The following UBAP2 variants were observed in gnomAD, a reference collection of about 807,000 sequenced individuals.
UBAP2 encodes ubiquitin associated protein 2.
UBAP2 carries 75 observed loss-of-function variants against 139.6 expected under a neutral mutation model. That is an observed-to-expected ratio of 0.54 (90% CI 0.45 to 0.65). The LOEUF (loss-of-function observed/expected upper bound fraction) is 0.65. Among genes scored for constraint, UBAP2 ranks in the 30% least tolerant of loss-of-function variants. UBAP2 has a pLI of 0.00. For synonymous variants in UBAP2, 526 were observed against 526.2 expected (o/e 1.00, Z 0.01); for missense variants, 1,368 against 1,369.6 (o/e 1.00, Z 0.02).
chr9:33,921,738 C>T lies in UBAP2; in HGVS notation c.*766G>A, dbSNP rs1034747024. 1 of 152,614 alleles carries T rather than the reference C, an allele frequency of 6.6e-6. No homozygotes were observed. Among genetic ancestry groups the T allele is most frequent in the Non-Finnish European group, 1.5e-5 (1 of 68,050 alleles). 9.5% of individuals were successfully genotyped at this position (152,614 alleles called of 1,614,324 possible). On this transcript the variant is annotated 3_prime_UTR_variant, in exon 29 of 29. Coordinates refer to ENST00000379238, the MANE Select transcript of UBAP2 (RefSeq NM_001370062.2). ...AGGTGGGGATTGGGCAAGAGAAAACCCCTGAAACAGTTGCCCACGTGGTTC... is the reference window on the plus strand; with the variant it reads ...AGGTGGGGATTGGGCAAGAGAAAACTCCTGAAACAGTTGCCCACGTGGTTC...
At chr9:34,009,874 C>A (rs1240750556) in intron 2 of UBAP2, among the ~76,000 whole-genome samples, 1 of 143,946 alleles carries the variant, frequency 6.9e-6, no homozygotes, top group Admixed American at 7.2e-5. Context: ...ATGGTGGGAT[C>A]TCTGCTCATC....
At chr9:34,016,252 G>GAGGAGGAAGAGGAGGAAGAGA (rs1824270117) in intron 2 of UBAP2, among the ~76,000 whole-genome samples, 1 of 20,566 alleles carries the variant, frequency 4.9e-5, no homozygotes, top group Non-Finnish European at 1.7e-4. Context: ...GGAAGAGGAG[G>GAGGAGGAAGAGGAGGAAGAGA]AGGAGGAAGA....
At chr9:33,947,133 A>C (rs1048328989) in intron 13 of UBAP2, among the ~76,000 whole-genome samples, 2 of 152,204 alleles carry the variant, frequency 1.3e-5, no homozygotes, top group African/African-American at 4.8e-5. Context: ...TTCTTGCCCC[A>C]GCAAAAACTT....
rs752564823 is a variant in UBAP2, at chr9:33,922,496, T to C, written c.*8A>G. The C allele has an allele frequency of 6.2e-7, 1 of 1,613,344 alleles. No individual in the cohort carries two copies. Among genetic ancestry groups the C allele is most frequent in the Non-Finnish European group, 8.5e-7 (1 of 1,179,694 alleles). On this transcript the variant is annotated 3_prime_UTR_variant, in exon 29 of 29. Coordinates refer to ENST00000379238, the MANE Select transcript of UBAP2 (RefSeq NM_001370062.2). ...AGCCTTGCCCCAGCCCACCCCTCTC[T>C]TCTGGGTTTAGTTTGTCCAGTATGG...
chr9:34,047,775 C>A (rs948363658), intron 1 of UBAP2, among the ~76,000 whole-genome samples: 1 of 152,162 alleles, frequency 6.6e-6, no homozygotes, highest in African/African-American at 2.4e-5. Flanking sequence ...AACCCAGGAG[C>A]TGGAGGCCAG....
intron 17 of UBAP2, among the ~76,000 whole-genome samples, chr9:33,934,895 T>C (rs1824320373): frequency 6.6e-6 from 1 of 152,080 alleles, no homozygotes; most frequent in South Asian, 2.1e-4. Context: ...AGCCCAACAA[T>C]ACCAGCAAAT....
At chr9:33,986,139 A>G (rs1334735559) in intron 6 of UBAP2, among the ~76,000 whole-genome samples, 1 of 149,856 alleles carries the variant, frequency 6.7e-6, no homozygotes, top group Non-Finnish European at 1.5e-5. Flanking sequence ...TGCAACCTCC[A>G]CCTCTTGGGT....
chr9:33,969,867 C>T (rs545550342), intron 8 of UBAP2, among the ~76,000 whole-genome samples: 7 of 148,958 alleles, frequency 4.7e-5, no homozygotes, highest in Non-Finnish European at 7.4e-5. Context: ...ACCTCAAACA[C>T]CCCCCCACCC....
chr9:34,017,723 G>A (rs1181319810), intron 1 of UBAP2, among the ~76,000 whole-genome samples: 5 of 152,196 alleles, frequency 3.3e-5, no homozygotes, highest in South Asian at 2.1e-4. Flanking sequence ...TCAGGAGATC[G>A]AGACCATGCT....
chr9:34,047,201 C>A, intron 1 of UBAP2, among the ~76,000 whole-genome samples: 1 of 152,096 alleles, frequency 6.6e-6, no homozygotes, highest in East Asian at 1.9e-4. Flanking sequence ...GGGAAATCAG[C>A]GCTGTGGGAA....
At chr9:33,928,900 A>G (rs1365095873) in intron 19 of UBAP2, 2 of 152,402 alleles carry the variant, frequency 1.3e-5, no homozygotes, top group African/African-American at 4.8e-5. Flanking sequence ...GCCTGCGCAG[A>G]CTAACTCTCC....
Position 33,923,378 on chromosome 9 carries a change from C to T in UBAP2, c.2896+1G>A. 1 of 1,614,186 alleles carries T rather than the reference C, an allele frequency of 6.2e-7. No homozygotes were observed. The highest frequency in any genetic ancestry group is 2.2e-5 in the East Asian group (1 of 44,880). ...GTCTCTGTCTGGGAAGTACCCCTCA[C>T]CTGTACTGTAGCCGTGCTGGCCATA... On this transcript the variant is annotated splice_donor_variant, in intron 25 of 28. Transcript: ENST00000379238. LOFTEE classifies it high-confidence loss of function.
intron 1 of UBAP2, among the ~76,000 whole-genome samples, chr9:34,018,900 T>A (rs549268022): frequency 9.3e-4 from 140 of 151,338 alleles, no homozygotes; most frequent in African/African-American, 2.5e-3. Flanking sequence ...AAAAATAAAT[T>A]AATTAATTAA....
chr9:34,041,571 T>C, intron 1 of UBAP2, among the ~76,000 whole-genome samples: 1 of 134,266 alleles, frequency 7.4e-6, no homozygotes, highest in African/African-American at 2.9e-5. Context: ...GTGGCAGGTG[T>C]CTGTAATCCC....
At position 33,992,664 on chromosome 9, in the gene UBAP2, G is replaced by A. The variant is rs574886480; in HGVS notation, c.289-3538C>T. Among the ~76,000 whole-genome samples, 15 of 146,012 alleles carry A rather than the reference G, an allele frequency of 1.0e-4. 2 individuals are homozygous for A. Among genetic ancestry groups the A allele is most frequent in the Admixed American group, 8.9e-4 (13 of 14,592 alleles). ...AAGACAACTTATCGGGCGGAGGGGG[G>A]GGGGCACAAATAGGGAAAAGAACCT... is the stretch of plus-strand genomic sequence containing the variant. On this transcript the variant is annotated intron_variant, in intron 4 of 28. Coordinates refer to ENST00000379238, the MANE Select transcript of UBAP2 (RefSeq NM_001370062.2).
chr9:34,006,813 C>G (rs1297865436), intron 2 of UBAP2, among the ~76,000 whole-genome samples: 3 of 152,118 alleles, frequency 2.0e-5, no homozygotes, highest in African/African-American at 7.2e-5. Context: ...CTCATAATTC[C>G]TTTCAGAGGA....
In UBAP2 at chr9:33,922,159, C is replaced by A; in HGVS notation, c.*345G>T. On this transcript the variant is annotated 3_prime_UTR_variant, in exon 29 of 29. Transcript: ENST00000379238. Reference sequence around the variant, plus strand: ...CTTGAACCAGCCCTTCCAGAGACTGCCCCTAGTGGCCCACTGGGCAGTGCA... The same window carrying A: ...CTTGAACCAGCCCTTCCAGAGACTGACCCTAGTGGCCCACTGGGCAGTGCA... 1 of 267,724 alleles carries A rather than the reference C, an allele frequency of 3.7e-6. No homozygotes were observed. The highest frequency in any genetic ancestry group is 5.1e-5 in the Admixed American group (1 of 19,452). 16.6% of individuals were successfully genotyped at this position (267,724 alleles called of 1,614,324 possible).
intron 2 of UBAP2, among the ~76,000 whole-genome samples, chr9:33,999,756 A>G (rs1822523985): frequency 6.6e-6 from 1 of 151,912 alleles, no homozygotes; most frequent in African/African-American, 2.4e-5. Flanking sequence ...CTGTTACCCT[A>G]GCTGGAGTGC....
chr9:34,018,260 G>A (rs530975009), intron 1 of UBAP2, among the ~76,000 whole-genome samples: 54 of 149,532 alleles, frequency 3.6e-4, no homozygotes, highest in African/African-American at 1.3e-3. Flanking sequence ...CAGAAGAGCC[G>A]GGAATTTTCC....
Sources: gnomAD v4.1 joint callset for allele counts (sites outside exome capture counted in the v4.1 genomes callset) on GRCh38, gnomAD v4.1.1 for gene constraint, MANE v1.5 for transcripts, NCBI Gene and HGNC (gene_info 2026-07-23, HGNC 2026-07-21) for gene names.